ACVR2B: variants seen among roughly 807,000 people sequenced by gnomAD.
ACVR2B encodes activin receptor type-2B.
A neutral mutation model predicts 65.1 loss-of-function variants in ACVR2B; 18 were observed. The observed-to-expected ratio is 0.28, with a 90% CI of 0.19 to 0.41. ACVR2B has a LOEUF of 0.41. Among genes scored for constraint, ACVR2B ranks in the 10% least tolerant of loss-of-function variants. The pLI is 1.00. For missense variants in ACVR2B, 482 were observed against 682.7 expected (o/e 0.71, Z 3.28); for synonymous variants, 298 against 277.7 (o/e 1.07, Z -0.73).
rs1471246601 is a variant in ACVR2B, at chr3:38,487,824, C to A, written c.*4492C>A. 6.6e-6 allele frequency: 1 copy of A among 152,160 alleles called. No individual in the cohort carries two copies. The highest frequency in any genetic ancestry group is 2.4e-5 in the African/African-American group (1 of 41,440). The allele number at this position is 152,160 out of a possible 1,614,324, so 9.4% of individuals were successfully genotyped here. On this transcript the variant is annotated 3_prime_UTR_variant, in exon 11 of 11. Coordinates refer to ENST00000352511, the MANE Select transcript of ACVR2B (RefSeq NM_001106.4). ...TTGGACAGCTAGTTATTCTCGAGAA[C>A]TTTATTTCACTAGAAAAATATACTA...
rs1204774934 is a variant in ACVR2B, at chr3:38,487,756, C to T, written c.*4424C>T. ...AGATTTGCTGGTTTTTAAAATAATA[C>T]AGTAAGCATAAGTATGTAAGTTTTT... On this transcript the variant is annotated 3_prime_UTR_variant, in exon 11 of 11. Transcript: ENST00000352511. 6.6e-6 allele frequency: 1 copy of T among 152,192 alleles called. No individual in the cohort carries two copies. Among genetic ancestry groups the T allele is most frequent in the Admixed American group, 6.5e-5 (1 of 15,286 alleles). The allele number at this position is 152,192 out of a possible 1,614,324, so 9.4% of individuals were successfully genotyped here.
chr3:38,480,599 A>G (rs1050524352), intron 7 of ACVR2B, among the ~76,000 whole-genome samples: 5 of 152,226 alleles, frequency 3.3e-5, no homozygotes, highest in African/African-American at 4.8e-5. Context: ...ATGAACCTCA[A>G]ATTCCAGCGT....
At chr3:38,466,503 A>G (rs1383279939) in intron 1 of ACVR2B, among the ~76,000 whole-genome samples, 1 of 124,190 alleles carries the variant, frequency 8.1e-6, no homozygotes, top group Admixed American at 9.0e-5. Flanking sequence ...TTAAACCAAA[A>G]CTTCTTTTTT....
intron 1 of ACVR2B, among the ~76,000 whole-genome samples, chr3:38,457,238 C>G (rs1709565220): frequency 6.6e-6 from 1 of 152,136 alleles, no homozygotes; most frequent in Non-Finnish European, 1.5e-5. Context: ...TTGATATATA[C>G]AAAGTAATTT....
chr3:38,478,737 C>G (rs1709960022), intron 5 of ACVR2B, among the ~76,000 whole-genome samples: 2 of 152,122 alleles, frequency 1.3e-5, no homozygotes, highest in South Asian at 4.1e-4. Flanking sequence ...TTTGCAAAAC[C>G]TTGATTTGCC....
intron 1 of ACVR2B, among the ~76,000 whole-genome samples, chr3:38,456,676 C>T (rs765912577): frequency 1.1e-4 from 17 of 151,930 alleles, no homozygotes; most frequent in Non-Finnish European, 2.2e-4. Flanking sequence ...AGATATCTGC[C>T]TTCTTACTGC....
At position 38,462,140 on chromosome 3, in the gene ACVR2B, G is replaced by A. The variant is rs188179288; in HGVS notation, c.52+7766G>A. Among the ~76,000 whole-genome samples, 452 of 152,184 alleles carry A rather than the reference G, an allele frequency of 3.0e-3. 7 individuals are homozygous for A. The highest frequency in any genetic ancestry group is 0.01 in the African/African-American group (421 of 41,500). ...ACCCGGGAGGCGGAGCTTGCAGTGA[G>A]CCAAGATAGCACCACTGCACTCCAG... On this transcript the variant is annotated intron_variant, in intron 1 of 10. Transcript: ENST00000352511.
chr3:38,481,445 C>A lies in ACVR2B; in HGVS notation c.1054C>A (p.Pro352Thr), dbSNP rs766430238. Reference sequence around the variant, plus strand: ...TGTTCGATTTGAGCCAGGGAAACCTCCAGGGGACACCCACGGACAGGTAAC... The same window carrying A: ...TGTTCGATTTGAGCCAGGGAAACCTACAGGGGACACCCACGGACAGGTAAC... The part of the protein sequence containing the change: ...LAVRFEPGKP[P>T]GDTHGQVGTR... Residue 352 changes from proline to threonine, a missense_variant, in exon 8 of 11, where the codon CCA (proline) becomes ACA (threonine). Coordinates refer to ENST00000352511, the MANE Select transcript of ACVR2B (RefSeq NM_001106.4). The surrounding 1 kb of genome is among the most constrained non-coding windows in gnomAD (Gnocchi z 4.7). 3 of 1,614,190 alleles carry A rather than the reference C, an allele frequency of 1.9e-6. No homozygotes were observed. The Admixed American group carries it at 5.0e-5, about 27-fold the overall frequency.
intron 1 of ACVR2B, chr3:38,459,755 T>G: frequency 1.2e-6 from 1 of 843,190 alleles, no homozygotes; most frequent in Non-Finnish European, 1.4e-6. Flanking sequence ...AGGGCCAGGC[T>G]TCCTGCTGTG....
rs577662395 is a variant in ACVR2B, at chr3:38,481,130, A to G, written c.960-221A>G. ...CATTAGGGTAGGTGTTGCTTTGCCA[A>G]CCCTGGGGGAAGCCTTCCATCTGAA... On this transcript the variant is annotated intron_variant, in intron 7 of 10. Coordinates refer to ENST00000352511, the MANE Select transcript of ACVR2B (RefSeq NM_001106.4). This position sits in a 1 kb window ranked among gnomAD's most constrained non-coding sequence, Gnocchi z 4.7. 6.6e-6 allele frequency among the ~76,000 whole-genome samples: 1 copy of G among 152,256 alleles called. No homozygotes were observed. Among genetic ancestry groups the G allele is most frequent in the African/African-American group, 2.4e-5 (1 of 41,552 alleles).
chr3:38,481,238 G>T lies in ACVR2B; in HGVS notation c.960-113G>T. On this transcript the variant is annotated intron_variant, in intron 7 of 10. Transcript: ENST00000352511. The surrounding 1 kb of genome is among the most constrained non-coding windows in gnomAD (Gnocchi z 4.7). ...TTCACCTCTGCACCCCAGGTAGGGTGGGATGGCCTGGTCTGGGGCCTGACT... is the reference window on the plus strand; with the variant it reads ...TTCACCTCTGCACCCCAGGTAGGGTTGGATGGCCTGGTCTGGGGCCTGACT... 1.1e-6 allele frequency: 1 copy of T among 880,858 alleles called. No individual in the cohort carries two copies. 54.6% of individuals were successfully genotyped at this position (880,858 alleles called of 1,614,324 possible).
At position 38,477,333 on chromosome 3, in the gene ACVR2B, C is replaced by T. The variant is rs759328980; in HGVS notation, c.99C>T (p.Asn33=). ...EAETRECIYY[N]ANWELERTNQ... ...AGACACGGGAGTGCATCTACTACAACGCCAACTGGGAGCTGGAGCGCACCA... is the reference window on the plus strand; with the variant it reads ...AGACACGGGAGTGCATCTACTACAATGCCAACTGGGAGCTGGAGCGCACCA... Residue 33 remains asparagine, a synonymous_variant, in exon 2 of 11, where the codon AAC becomes AAT. Coordinates refer to ENST00000352511, the MANE Select transcript of ACVR2B (RefSeq NM_001106.4). The surrounding 1 kb of genome is among the most constrained non-coding windows in gnomAD (Gnocchi z 6.7). 78 of 1,614,166 alleles carry T rather than the reference C, an allele frequency of 4.8e-5. No individual in the cohort carries two copies. In the South Asian group the frequency reaches 6.0e-4, roughly 12 times the overall value.
In ACVR2B at chr3:38,477,097, G is replaced by A; in HGVS notation, c.53-190G>A. The A allele has an allele frequency of 1.6e-6, 1 of 631,086 alleles. No homozygotes were observed. Among genetic ancestry groups the A allele is most frequent in the South Asian group, 1.9e-5 (1 of 51,736 alleles). 39.1% of individuals were successfully genotyped at this position (631,086 alleles called of 1,614,324 possible). A position where few individuals can be genotyped will look rare whatever the true frequency, so the allele number is the denominator to read the frequency against. On this transcript the variant is annotated intron_variant, in intron 1 of 10. Transcript: ENST00000352511. The surrounding 1 kb of genome is among the most constrained non-coding windows in gnomAD (Gnocchi z 6.7). ...ATGAGGTGGGGGCTGGTGCCAGCTG[G>A]CACACGTAAATTAAGAGGTGTGGGA...
chr3:38,492,424 A>C lies in ACVR2B; in HGVS notation c.*9092A>C, dbSNP rs188871745. ...TGCAAACTCTGGAAATGTGACTAGT[A>C]TATGATTTAAGGCTGTAGAAGCAAG... is the stretch of plus-strand genomic sequence containing the variant. On this transcript the variant is annotated 3_prime_UTR_variant, in exon 11 of 11. Coordinates refer to ENST00000352511, the MANE Select transcript of ACVR2B (RefSeq NM_001106.4). 1 of 152,736 alleles carries C rather than the reference A, an allele frequency of 6.5e-6. No individual in the cohort carries two copies. The highest frequency in any genetic ancestry group is 2.4e-5 in the African/African-American group (1 of 41,560). The allele number at this position is 152,736 out of a possible 1,614,324, so 9.5% of individuals were successfully genotyped here.
rs775061399 is a variant in ACVR2B, at chr3:38,477,351, G to A, written c.117G>A (p.Glu39=). ...ACTACAACGCCAACTGGGAGCTGGA[G>A]CGCACCAACCAGAGCGGCCTGGAGC... ...CIYYNANWEL[E]RTNQSGLERC... Residue 39 remains glutamate (E), a synonymous_variant, in exon 2 of 11, where the codon GAG becomes GAA. Transcript: ENST00000352511. This position sits in a 1 kb window ranked among gnomAD's most constrained non-coding sequence, Gnocchi z 6.7. The A allele has an allele frequency of 2.5e-6, 4 of 1,614,050 alleles. No homozygotes were observed. The South Asian group carries it at 3.3e-5, about 13-fold the overall frequency.
chr3:38,462,990 G>A (rs1445738400), intron 1 of ACVR2B, among the ~76,000 whole-genome samples: 1 of 152,140 alleles, frequency 6.6e-6, no homozygotes, highest in Non-Finnish European at 1.5e-5. Context: ...CTGCTGAAAT[G>A]CTAGGTTACA....
chr3:38,480,365 ACT>A (rs1709997417), intron 7 of ACVR2B, among the ~76,000 whole-genome samples: 1 of 151,910 alleles, frequency 6.6e-6, no homozygotes, highest in African/African-American at 2.4e-5. Flanking sequence ...CCTTTAAGAA[ACT>A]CTGGATGAGC....
chr3:38,455,425 C>A (rs995859805), intron 1 of ACVR2B, among the ~76,000 whole-genome samples: 1 of 152,124 alleles, frequency 6.6e-6, no homozygotes, highest in Non-Finnish European at 1.5e-5. Context: ...GGTCCCCCGC[C>A]GCCCTCGGTG....
chr3:38,488,421 C>G lies in ACVR2B; in HGVS notation c.*5089C>G, dbSNP rs368560489. On this transcript the variant is annotated 3_prime_UTR_variant, in exon 11 of 11. Transcript: ENST00000352511. Reference sequence around the variant, plus strand: ...TTTAGTTTTGTAGGAAAAACACCCCCTTGAAAATTAATTCGGTTGACCCAG... The same window carrying G: ...TTTAGTTTTGTAGGAAAAACACCCCGTTGAAAATTAATTCGGTTGACCCAG... 57 of 152,256 alleles carry G rather than the reference C, an allele frequency of 3.7e-4. No individual in the cohort carries two copies. The highest frequency in any genetic ancestry group is 1.2e-3 in the African/African-American group (49 of 41,550). 9.4% of individuals were successfully genotyped at this position (152,256 alleles called of 1,614,324 possible).
Sources: gnomAD v4.1 joint callset for allele counts (sites outside exome capture counted in the v4.1 genomes callset) on GRCh38, gnomAD v4.1.1 for gene constraint, Gnocchi (gnomAD v3.1) non-coding constraint, MANE v1.5 for transcripts, NCBI Gene and HGNC (gene_info 2026-07-23, HGNC 2026-07-21) for gene names.